TAFA2: variants seen among roughly 807,000 people sequenced by gnomAD.
The protein encoded by TAFA2 is chemokine-like protein TAFA-2.
TAFA2 carries 7 observed loss-of-function variants against 18.8 expected under a neutral mutation model. The observed-to-expected ratio is 0.37, with a 90% CI of 0.21 to 0.70. The LOEUF (loss-of-function observed/expected upper bound fraction) is 0.70, where lower values mean the gene tolerates loss of function less well. TAFA2 is among the 30% of genes least tolerant of loss of function. The pLI, the probability that TAFA2 is intolerant of heterozygous loss-of-function variation, is 0.53. For missense variants in TAFA2, 122 were observed against 158.1 expected (o/e 0.77, Z 1.23); for synonymous variants, 60 against 54.2 (o/e 1.11, Z -0.47).
intron 1 of TAFA2, among the ~76,000 whole-genome samples, chr12:61,898,717 C>T (rs751862195): frequency 2.6e-5 from 4 of 152,172 alleles, no homozygotes; most frequent in Non-Finnish European, 5.9e-5. Flanking sequence ...GATGGGAGGG[C>T]CTGCAGGGAA....
At chr12:62,052,684 C>T (rs1192253849) in intron 1 of TAFA2, among the ~76,000 whole-genome samples, 1 of 152,132 alleles carries the variant, frequency 6.6e-6, no homozygotes, top group Non-Finnish European at 1.5e-5. Flanking sequence ...ATGATGAAAG[C>T]TGCTCTACCT....
intron 1 of TAFA2, among the ~76,000 whole-genome samples, chr12:61,906,278 G>A (rs796675327): frequency 1.3e-5 from 2 of 152,296 alleles, no homozygotes; most frequent in African/African-American, 4.8e-5. Context: ...TCATGGGAGG[G>A]ACCCAGTGGG....
intron 2 of TAFA2, among the ~76,000 whole-genome samples, chr12:61,847,387 T>TTGAA (rs999256105): frequency 6.6e-6 from 1 of 152,110 alleles, no homozygotes; most frequent in African/African-American, 2.4e-5. Flanking sequence ...TACATATTTG[T>TTGAA]TGAATGAATG....
intron 1 of TAFA2, among the ~76,000 whole-genome samples, chr12:62,117,344 A>C (rs1413391828): frequency 1.3e-5 from 2 of 152,186 alleles, no homozygotes; most frequent in Non-Finnish European, 2.9e-5. Context: ...TATTTGCAAT[A>C]ATTCACAATA....
intron 1 of TAFA2, among the ~76,000 whole-genome samples, chr12:62,187,351 A>G (rs2062593032): frequency 6.6e-6 from 1 of 152,204 alleles, no homozygotes; most frequent in Non-Finnish European, 1.5e-5. Context: ...TTGTCACACT[A>G]TGCATACAGT....
chr12:61,962,167 G>A (rs1316939001), intron 1 of TAFA2, among the ~76,000 whole-genome samples: 1 of 151,898 alleles, frequency 6.6e-6, no homozygotes, highest in Non-Finnish European at 1.5e-5. Context: ...AGAACTTCCA[G>A]GAATTCCTGT....
chr12:61,710,774 C>G (rs964062609), intron 4 of TAFA2, among the ~76,000 whole-genome samples: 1 of 151,954 alleles, frequency 6.6e-6, no homozygotes, highest in Non-Finnish European at 1.5e-5. Flanking sequence ...ATATCACAAA[C>G]ACATCATACT....
chr12:61,878,598 T>TTGAA (rs1874969827), intron 1 of TAFA2, among the ~76,000 whole-genome samples: 1 of 152,154 alleles, frequency 6.6e-6, no homozygotes. Flanking sequence ...TAAATATTTG[T>TTGAA]TGAATAAATA....
chr12:62,023,783 T>C (rs565357354), intron 1 of TAFA2: 1 of 152,038 alleles, frequency 6.6e-6, no homozygotes, highest in South Asian at 2.1e-4. Flanking sequence ...TGACATGCTG[T>C]CGAATGGAAG....
intron 1 of TAFA2, among the ~76,000 whole-genome samples, chr12:61,916,407 GA>G (rs1876822724): frequency 6.6e-6 from 1 of 152,160 alleles, no homozygotes; most frequent in African/African-American, 2.4e-5. Flanking sequence ...AAATGTGACA[GA>G]GCATGTATAG....
intron 1 of TAFA2, chr12:62,021,561 A>G: frequency 5.1e-6 from 4 of 781,576 alleles, no homozygotes; most frequent in Non-Finnish European, 9.3e-6. Flanking sequence ...TGCCAAGGAG[A>G]CCCTGTTACG....
chr12:62,227,289 C>T (rs1443144924), intron 1 of TAFA2, among the ~76,000 whole-genome samples: 1 of 152,130 alleles, frequency 6.6e-6, no homozygotes, highest in Admixed American at 6.5e-5. Flanking sequence ...TCATATCCCC[C>T]AAAAAGCCTG....
At chr12:62,098,126 CG>C (rs761454195) in intron 1 of TAFA2, among the ~76,000 whole-genome samples, 2 of 152,034 alleles carry the variant, frequency 1.3e-5, no homozygotes, top group African/African-American at 2.4e-5. Flanking sequence ...TTTTATCACC[CG>C]GGTCCTTAAC....
chr12:61,987,743 G>A (rs150717784), intron 1 of TAFA2, among the ~76,000 whole-genome samples: 222 of 152,266 alleles, frequency 1.5e-3, no homozygotes, highest in African/African-American at 4.4e-3. Flanking sequence ...ATTAAATAAG[G>A]TAACATCTTA....
intron 1 of TAFA2, among the ~76,000 whole-genome samples, chr12:62,103,392 T>C (rs557823674): frequency 2.6e-5 from 4 of 152,296 alleles, no homozygotes; most frequent in African/African-American, 9.6e-5. Flanking sequence ...CAGTCCAATA[T>C]ATGAAGGGTG....
At chr12:62,212,300 G>A (rs2062717280) in intron 1 of TAFA2, among the ~76,000 whole-genome samples, 1 of 152,118 alleles carries the variant, frequency 6.6e-6, no homozygotes, top group South Asian at 2.1e-4. Flanking sequence ...ATTCAGCAAT[G>A]GAAATTCAAC....
intron 1 of TAFA2, among the ~76,000 whole-genome samples, chr12:61,932,247 A>T (rs972762858): frequency 1.3e-5 from 2 of 152,218 alleles, no homozygotes; most frequent in African/African-American, 4.8e-5. Context: ...GACTGGTGCC[A>T]TTTATGGCAA....
intron 1 of TAFA2, among the ~76,000 whole-genome samples, chr12:62,110,864 A>G (rs975953162): frequency 6.6e-6 from 1 of 151,440 alleles, no homozygotes; most frequent in East Asian, 1.9e-4. Flanking sequence ...TATTGTGTCT[A>G]TTTGATTCTT....
At chr12:61,820,807 T>G (rs964266020) in intron 2 of TAFA2, among the ~76,000 whole-genome samples, 1 of 152,032 alleles carries the variant, frequency 6.6e-6, no homozygotes, top group Non-Finnish European at 1.5e-5. Context: ...ATATGTTAAA[T>G]GAAGAAGTGT....
Sources: allele counts gnomAD v4.1 joint callset (sites outside exome capture counted in the v4.1 genomes callset), GRCh38; gene constraint gnomAD v4.1.1; transcripts MANE v1.5; gene names NCBI Gene and HGNC (gene_info 2026-07-23, HGNC 2026-07-21).